The following AGTPBP1 variants were observed in gnomAD, a reference collection of about 807,000 sequenced individuals.
The protein encoded by AGTPBP1 is ATP/GTP binding carboxypeptidase 1.
Under a neutral mutation model 143.9 loss-of-function variants are expected in AGTPBP1, and 70 were observed. The observed-to-expected ratio is 0.49, with a 90% CI of 0.40 to 0.59. The LOEUF is 0.59. Among genes scored for constraint, AGTPBP1 ranks in the 20% least tolerant of loss-of-function variants. The pLI is 0.00. For missense variants in AGTPBP1, 1,229 were observed against 1,464.5 expected (o/e 0.84, Z 2.62); for synonymous variants, 463 against 500.2 (o/e 0.93, Z 0.99).
At chr9:85,574,463 CAAA>C (rs4011699) in intron 25 of AGTPBP1, among the ~76,000 whole-genome samples, 47 of 116,116 alleles carry the variant, frequency 4.0e-4, no homozygotes, top group East Asian at 1.7e-3. Context: ...CAAGAATGAT[CAAA>C]AAAAAAAAAA....
At chr9:85,741,742 G>A (rs1181418789) in intron 1 of AGTPBP1, 33 bp downstream of exon 1, 2 of 1,287,434 alleles carry the variant, frequency 1.6e-6, no homozygotes, top group Non-Finnish European at 2.0e-6. Flanking sequence ...GGGACGGCCG[G>A]CCGGGACATG....
intron 25 of AGTPBP1, among the ~76,000 whole-genome samples, chr9:85,549,820 C>T (rs1825932495): frequency 6.6e-6 from 1 of 152,232 alleles, no homozygotes; most frequent in South Asian, 2.1e-4. Context: ...GGAAAATAAT[C>T]TGATCCTGTC....
At chr9:85,763,177 AAAAC>A in the AGTPBP1 span, among the ~76,000 whole-genome samples, 4 of 152,126 alleles carry the variant, frequency 2.6e-5, no homozygotes, top group African/African-American at 9.7e-5. Flanking sequence ...AAAAAAACAA[AAAAC>A]AAACAAAAAA....
intron 14 of AGTPBP1, among the ~76,000 whole-genome samples, chr9:85,627,469 C>T (rs533375653): frequency 1.3e-5 from 2 of 152,240 alleles, no homozygotes; most frequent in South Asian, 4.1e-4. Context: ...GAAGAGTTTC[C>T]TACCCATTAT....
chr9:85,775,087 G>A, the AGTPBP1 span, among the ~76,000 whole-genome samples: 1 of 152,118 alleles, frequency 6.6e-6, no homozygotes, highest in African/African-American at 2.4e-5. Context: ...AGGATTGCTT[G>A]AGCCCAGAAG....
At chr9:85,563,325 G>A (rs1461212560) in intron 25 of AGTPBP1, among the ~76,000 whole-genome samples, 2 of 152,188 alleles carry the variant, frequency 1.3e-5, no homozygotes, top group Non-Finnish European at 2.9e-5. Flanking sequence ...AGCAATTCTG[G>A]TGAGGCTCAG....
In AGTPBP1 at chr9:85,672,555, G is replaced by A. The variant is rs576116767; in HGVS notation, c.563C>T (p.Ala188Val). The A allele has an allele frequency of 1.2e-6, 2 of 1,607,704 alleles. No homozygotes were observed. The highest frequency in any genetic ancestry group is 2.2e-5 in the South Asian group (2 of 89,972). Reference protein sequence around the residue: ...PCLQLLRVYSANSVNSVSLGK... With the variant: ...PCLQLLRVYSVNSVNSVSLGK... Reference sequence around the variant, plus strand: ...AAAGCCACCTAAATACTCACAGTTGGCAGAATATACTCGTAAAAGCTGAAG... The same window carrying A: ...AAAGCCACCTAAATACTCACAGTTGACAGAATATACTCGTAAAAGCTGAAG... Residue 188 changes from alanine (A) to valine (V), a missense_variant, in exon 7 of 26, where the codon GCC becomes GTC. Transcript: ENST00000357081.
intron 1 of AGTPBP1, among the ~76,000 whole-genome samples, chr9:85,727,664 TA>T (rs1160723191): frequency 1.6e-4 from 25 of 152,100 alleles, no homozygotes; most frequent in Admixed American, 1.5e-3. Context: ...TGGCCCAATC[TA>T]CAAACATTTG....
At chr9:85,773,196 C>T in the AGTPBP1 span, among the ~76,000 whole-genome samples, 6 of 120,320 alleles carry the variant, frequency 5.0e-5, no homozygotes, top group Admixed American at 2.1e-4. Context: ...ACCTGGGAGG[C>T]GGAGCTTGCA....
rs543081297 is a variant in AGTPBP1, at chr9:85,560,463, T to C, written c.3504-13177A>G. On this transcript the variant is annotated intron_variant, in intron 25 of 25. Coordinates refer to ENST00000357081, the MANE Select transcript of AGTPBP1 (RefSeq NM_001330701.2). ...CTCACATAGGACCAAAAGGCAGAAG[T>C]AGCAGAAGTACAATCCAGAAAATGA... Among the ~76,000 whole-genome samples, 4 of 152,278 alleles carry C rather than the reference T, an allele frequency of 2.6e-5. No homozygotes were observed. The South Asian group carries it at 6.2e-4, about 24-fold the overall frequency.
At chr9:85,558,611 C>T (rs1298744894) in intron 25 of AGTPBP1, among the ~76,000 whole-genome samples, 3 of 149,072 alleles carry the variant, frequency 2.0e-5, no homozygotes, top group Non-Finnish European at 4.5e-5. Flanking sequence ...CTTTCAACTT[C>T]ACTTACCTAT....
the AGTPBP1 span, chr9:85,770,505 G>A: frequency 2.8e-6 from 4 of 1,412,608 alleles, no homozygotes; most frequent in Admixed American, 5.1e-5. Context: ...GTTTTTGAGG[G>A]TCAGAATATT....
At chr9:85,662,158 A>C (rs1163343285) in intron 8 of AGTPBP1, among the ~76,000 whole-genome samples, 1 of 152,178 alleles carries the variant, frequency 6.6e-6, no homozygotes, top group Non-Finnish European at 1.5e-5. Flanking sequence ...TACAAGACTT[A>C]AGATGGGTAG....
chr9:85,673,609 G>C (rs887728589), intron 6 of AGTPBP1, among the ~76,000 whole-genome samples: 1 of 151,930 alleles, frequency 6.6e-6, no homozygotes, highest in African/African-American at 2.4e-5. Flanking sequence ...TAAATAAGAA[G>C]AACTTAAGAA....
At chr9:85,775,944 A>T in the AGTPBP1 span, among the ~76,000 whole-genome samples, 2 of 152,186 alleles carry the variant, frequency 1.3e-5, no homozygotes, top group Non-Finnish European at 2.9e-5. Flanking sequence ...AATACTTTGC[A>T]TCCTTCAATC....
intron 17 of AGTPBP1, among the ~76,000 whole-genome samples, chr9:85,596,876 G>C (rs599198): frequency 0.97 from 147,219 of 152,280 alleles, 71,206 homozygotes; most frequent in East Asian, 1. Context: ...CCTCCCCACC[G>C]TTCTCCATAC....
intron 13 of AGTPBP1, among the ~76,000 whole-genome samples, chr9:85,639,484 C>A (rs1832324692): frequency 1.3e-5 from 2 of 151,772 alleles, no homozygotes; most frequent in Non-Finnish European, 2.9e-5. Context: ...ATGAAAGCAG[C>A]AAAAGTCAAG....
chr9:85,639,878 T>C (rs1303538696), intron 13 of AGTPBP1, among the ~76,000 whole-genome samples: 1 of 152,190 alleles, frequency 6.6e-6, no homozygotes, highest in African/African-American at 2.4e-5. Flanking sequence ...TCACAAAGGA[T>C]GTTGATAATT....
intron 11 of AGTPBP1, among the ~76,000 whole-genome samples, chr9:85,647,219 G>C (rs1832870492): frequency 6.6e-6 from 1 of 152,174 alleles, no homozygotes; most frequent in Non-Finnish European, 1.5e-5. Flanking sequence ...GGAGGTTGCG[G>C]TGAGCCAAGA....
Sources: allele counts gnomAD v4.1 joint callset (sites outside exome capture counted in the v4.1 genomes callset), GRCh38; gene constraint gnomAD v4.1.1; transcripts MANE v1.5; gene names NCBI Gene and HGNC (gene_info 2026-07-23, HGNC 2026-07-21).